The following SNU13 variants were observed in gnomAD, a reference collection of about 807,000 sequenced individuals.
The protein encoded by SNU13 is NHP2-like protein 1.
SNU13 carries 2 observed loss-of-function variants against 12.4 expected under a neutral mutation model. The observed-to-expected ratio is 0.16, with a 90% CI of 0.07 to 0.51. SNU13 has a LOEUF of 0.51. Among genes scored for constraint, SNU13 ranks in the 20% least tolerant of loss-of-function variants. SNU13 has a pLI of 0.96. For missense variants in SNU13, 66 were observed against 157.8 expected, an observed-to-expected ratio of 0.42 and a Z score of 3.12; for synonymous variants, 68 against 66.5, an observed-to-expected ratio of 1.02 and a Z score of -0.11.
intron 2 of SNU13, among the ~76,000 whole-genome samples, chr22:41,678,333 T>TGGAGTCTCC (rs1569107343): frequency 3.8e-4 from 58 of 152,290 alleles, no homozygotes; most frequent in Admixed American, 3.5e-3. Context: ...CTGGAATGTA[T>TGGAGTCTCC]ACTCCAAGAA....
intron 1 of SNU13, among the ~76,000 whole-genome samples, chr22:41,685,699 C>T (rs1379255555): frequency 1.3e-5 from 2 of 151,162 alleles, no homozygotes; most frequent in Admixed American, 6.6e-5. Flanking sequence ...GGTGTGGTGG[C>T]TCACGCCTGT....
chr22:41,688,914 A>G, upstream of SNU13: 1 of 1,463,112 alleles, frequency 6.8e-7, no homozygotes, highest in Admixed American at 2.1e-5. Flanking sequence ...CGCGGCAGGA[A>G]GCGAAGGTGA....
intron 1 of SNU13, chr22:41,682,664 AT>A (rs2068275481): frequency 1.2e-6 from 1 of 830,820 alleles, no homozygotes; most frequent in African/African-American, 1.7e-5. Context: ...AGACCTCCAT[AT>A]TATTTTTCTC....
At chr22:41,677,400 C>A (rs373659016) in intron 2 of SNU13, among the ~76,000 whole-genome samples, 2 of 152,120 alleles carry the variant, frequency 1.3e-5, no homozygotes, top group African/African-American at 4.8e-5. Context: ...TGGCGTACAC[C>A]TGTAGTTCCA....
chr22:41,689,186 A>C (rs1238221819), upstream of SNU13: 2 of 745,842 alleles, frequency 2.7e-6, no homozygotes, highest in East Asian at 1.1e-4. Context: ...ACATGGCGAA[A>C]CCTCGTCCCT....
At chr22:41,676,152 T>A (rs576108038) in intron 2 of SNU13, among the ~76,000 whole-genome samples, 4 of 152,286 alleles carry the variant, frequency 2.6e-5, no homozygotes, top group African/African-American at 9.6e-5. Flanking sequence ...TAATATAGTA[T>A]TTCTCAAGGT....
intron 1 of SNU13, among the ~76,000 whole-genome samples, chr22:41,684,717 A>G (rs989177894): frequency 2.6e-5 from 4 of 152,188 alleles, no homozygotes; most frequent in Non-Finnish European, 5.9e-5. Flanking sequence ...ATGTTTGAAG[A>G]GTGTATTCTG....
At chr22:41,688,648 G>C in intron 1 of SNU13, 146 bp downstream of exon 1, 1 of 1,149,814 alleles carries the variant, frequency 8.7e-7, no homozygotes, top group Non-Finnish European at 1.2e-6. Context: ...CGCCGCTGCT[G>C]GGGTTCTAAC....
intron 2 of SNU13, among the ~76,000 whole-genome samples, chr22:41,678,944 C>T (rs1043281872): frequency 1.3e-5 from 2 of 152,208 alleles, no homozygotes; most frequent in Non-Finnish European, 2.9e-5. Context: ...CATCAAACTA[C>T]CCAGCATCTA....
At chr22:41,679,150 T>A (rs2068239415) in intron 2 of SNU13, among the ~76,000 whole-genome samples, 1 of 152,144 alleles carries the variant, frequency 6.6e-6, no homozygotes, top group Non-Finnish European at 1.5e-5. Context: ...GGCTCACGCC[T>A]GTAATCCCAG....
intron 1 of SNU13, among the ~76,000 whole-genome samples, chr22:41,685,154 C>CAAA (rs71184830): frequency 0.023 from 2,700 of 117,754 alleles, 70 homozygotes; most frequent in Middle Eastern, 0.056. Flanking sequence ...AACTCCATCT[C>CAAA]AAAAAAAAAA....
In SNU13 at chr22:41,688,849, G is replaced by A. The variant is rs1220848360; in HGVS notation, c.-53C>T. 3.2e-6 allele frequency: 5 copies of A among 1,555,756 alleles called. No homozygotes were observed. Among genetic ancestry groups the A allele is most frequent in the Non-Finnish European group, 4.4e-6 (5 of 1,141,288 alleles). On this transcript the variant is annotated 5_prime_UTR_variant, in exon 1 of 3. Transcript: ENST00000401959. Reference sequence around the variant, plus strand: ...CTAGGGGAGCGCAGCTGACGTTTCAGAAGCACTCGCGTGCACCGGAAAAAC... The same window carrying A: ...CTAGGGGAGCGCAGCTGACGTTTCAAAAGCACTCGCGTGCACCGGAAAAAC...
chr22:41,676,009 C>G (rs1201627132), intron 2 of SNU13, among the ~76,000 whole-genome samples: 2 of 152,078 alleles, frequency 1.3e-5, no homozygotes, highest in Non-Finnish European at 2.9e-5. Context: ...TGATTACAGG[C>G]ATGAGCCACC....
chr22:41,688,824 C>T lies in SNU13; in HGVS notation c.-28G>A. 1 of 1,582,010 alleles carries T rather than the reference C, an allele frequency of 6.3e-7. No homozygotes were observed. The highest frequency in any genetic ancestry group is 8.6e-7 in the Non-Finnish European group (1 of 1,157,432). ...CTGCGGTTCCGCGGGCTCAGCACTCCTAGGGGAGCGCAGCTGACGTTTCAG... is the reference window on the plus strand; with the variant it reads ...CTGCGGTTCCGCGGGCTCAGCACTCTTAGGGGAGCGCAGCTGACGTTTCAG... On this transcript the variant is annotated 5_prime_UTR_variant, in exon 1 of 3. Coordinates refer to ENST00000401959, the MANE Select transcript of SNU13 (RefSeq NM_001003796.2).
chr22:41,685,616 C>T (rs13055804), intron 1 of SNU13, among the ~76,000 whole-genome samples: 124,992 of 150,410 alleles, frequency 0.83, 52,909 homozygotes, highest in African/African-American at 0.95. Context: ...CCTCCCAAAG[C>T]GCTGGGTTTA....
Position 41,688,862 on chromosome 22 carries a change from G to A in SNU13, c.-66C>T. Reference sequence around the variant, plus strand: ...GCTGACGTTTCAGAAGCACTCGCGTGCACCGGAAAAACTCACAGAAGCAGC... The same window carrying A: ...GCTGACGTTTCAGAAGCACTCGCGTACACCGGAAAAACTCACAGAAGCAGC... On this transcript the variant is annotated 5_prime_UTR_variant, in exon 1 of 3. Coordinates refer to ENST00000401959, the MANE Select transcript of SNU13 (RefSeq NM_001003796.2). The A allele has an allele frequency of 6.5e-7, 1 of 1,532,778 alleles. No homozygotes were observed. Among genetic ancestry groups the A allele is most frequent in the Non-Finnish European group, 8.8e-7 (1 of 1,130,992 alleles). The allele number at this position is 1,532,778 out of a possible 1,614,324, so 94.9% of individuals were successfully genotyped here. A position where few individuals can be genotyped will look rare whatever the true frequency, so the allele number is the denominator to read the frequency against.
At chr22:41,679,346 C>A (rs113149531) in intron 2 of SNU13, among the ~76,000 whole-genome samples, 5 of 152,276 alleles carry the variant, frequency 3.3e-5, no homozygotes, top group African/African-American at 1.2e-4. Context: ...CACCTGAGAT[C>A]AGGAGTTCGA....
chr22:41,688,828 G>C lies in SNU13; in HGVS notation c.-32C>G, dbSNP rs2068335327. ...GGTTCCGCGGGCTCAGCACTCCTAG[G>C]GGAGCGCAGCTGACGTTTCAGAAGC... is the stretch of plus-strand genomic sequence containing the variant. On this transcript the variant is annotated 5_prime_UTR_variant, in exon 1 of 3. Transcript: ENST00000401959. The C allele has an allele frequency of 1.3e-6, 2 of 1,579,720 alleles. No individual in the cohort carries two copies. Among genetic ancestry groups the C allele is most frequent in the Non-Finnish European group, 1.7e-6 (2 of 1,156,052 alleles).
chr22:41,682,737 G>C (rs550440642), intron 1 of SNU13: 12 of 319,658 alleles, frequency 3.8e-5, no homozygotes, highest in African/African-American at 2.7e-4. Context: ...TTGGAGTGCA[G>C]TGGCGCGATC....
Sources: gnomAD v4.1 joint callset for allele counts (sites outside exome capture counted in the v4.1 genomes callset) on GRCh38, gnomAD v4.1.1 for gene constraint, MANE v1.5 for transcripts, NCBI Gene and HGNC (gene_info 2026-07-23, HGNC 2026-07-21) for gene names.